The following CFAP20DC variants were observed in gnomAD, a reference collection of about 807,000 sequenced individuals.
CFAP20DC encodes the protein CFAP20 domain containing.
A neutral mutation model predicts 101.7 loss-of-function variants in CFAP20DC; 84 were observed. That is an observed-to-expected ratio of 0.83 (90% CI 0.69 to 0.99). The LOEUF (loss-of-function observed/expected upper bound fraction) is 0.99. Among genes scored for constraint, CFAP20DC ranks in the 50% least tolerant of loss-of-function variants. The pLI is 0.00. For missense variants in CFAP20DC, 1,007 were observed against 970.3 expected (o/e 1.04, Z -0.50); for synonymous variants, 359 against 351.2 (o/e 1.02, Z -0.25).
rs544670734 is a variant in CFAP20DC at position 59,025,446 on chromosome 3, G to C, written c.278+14111C>G. ...CAATTTGTCTCGAAATGTTTCACAA[G>C]AACAATTTAAAAATTAAACAGCAAT... On this transcript the variant is annotated intron_variant, in intron 4 of 16. Transcript: ENST00000482387. Among the ~76,000 whole-genome samples, 4 of 152,104 alleles carry C rather than the reference G, an allele frequency of 2.6e-5. No homozygotes were observed. The East Asian group carries it at 7.7e-4, about 29-fold the overall frequency.
intron 4 of CFAP20DC, among the ~76,000 whole-genome samples, chr3:58,947,274 G>A (rs2089490776): frequency 1.3e-5 from 2 of 152,170 alleles, no homozygotes; most frequent in Admixed American, 6.5e-5. Flanking sequence ...AAACATGAGC[G>A]AACTTCCCTG....
At chr3:58,904,213 G>T (rs2083399443) in intron 6 of CFAP20DC, among the ~76,000 whole-genome samples, 3 of 151,842 alleles carry the variant, frequency 2.0e-5, no homozygotes, top group South Asian at 2.1e-4. Context: ...TTATTCCTAG[G>T]TAGTTAACTA....
chr3:58,872,119 T>C (rs138372071), intron 7 of CFAP20DC, among the ~76,000 whole-genome samples: 2 of 152,318 alleles, frequency 1.3e-5, no homozygotes, highest in Non-Finnish European at 2.9e-5. Context: ...AGCCTTTAAC[T>C]GAAAACACTG....
At chr3:58,973,346 G>C (rs527799956) in intron 4 of CFAP20DC, among the ~76,000 whole-genome samples, 2 of 152,288 alleles carry the variant, frequency 1.3e-5, no homozygotes, top group African/African-American at 4.8e-5. Context: ...TCACATTTCT[G>C]TGCTAAAAGT....
chr3:58,738,668 G>T (rs1302923290), downstream of CFAP20DC, among the ~76,000 whole-genome samples: 1 of 152,166 alleles, frequency 6.6e-6, no homozygotes, highest in Admixed American at 6.5e-5. The surrounding 1 kb of genome is among the most constrained non-coding windows in gnomAD (Gnocchi z 4.4). Context: ...AGGTATCCTT[G>T]TAGTAGAATG....
downstream of CFAP20DC, among the ~76,000 whole-genome samples, chr3:58,739,686 C>G (rs1171103855): frequency 6.6e-6 from 1 of 152,198 alleles, no homozygotes. Flanking sequence ...GTTAGACTCT[C>G]TGGGTGTAGA....
At chr3:58,837,312 T>C (rs1205063475) in intron 13 of CFAP20DC, among the ~76,000 whole-genome samples, 1 of 152,120 alleles carries the variant, frequency 6.6e-6, no homozygotes, top group Non-Finnish European at 1.5e-5. Flanking sequence ...ACATAAAGGA[T>C]GATATAATCA....
chr3:58,849,629 G>A lies in CFAP20DC; in HGVS notation c.1594-220C>T, dbSNP rs138578624. 1.1e-3 allele frequency among the ~76,000 whole-genome samples: 175 copies of A among 152,194 alleles called. 1 individual carries two copies. Among genetic ancestry groups the A allele is most frequent in the Non-Finnish European group, 2.1e-3 (140 of 68,000 alleles). ...AAAATGTCCTGCTATACGGTATTTG[G>A]TCTGGATAAGGCATATTTTTTACTC... On this transcript the variant is annotated intron_variant, in intron 12 of 16. Coordinates refer to ENST00000482387, the MANE Select transcript of CFAP20DC (RefSeq NM_001394063.1).
chr3:58,864,020 C>T lies in CFAP20DC; in HGVS notation c.1259-128G>A, dbSNP rs769173716. The T allele has an allele frequency of 3.2e-4, 280 of 888,204 alleles. No homozygotes were observed. Among genetic ancestry groups the T allele is most frequent in the Non-Finnish European group, 4.0e-4 (244 of 608,726 alleles). The allele number at this position is 888,204 out of a possible 1,614,324, so 55.0% of individuals were successfully genotyped here. A position where few individuals can be genotyped will look rare whatever the true frequency, so the allele number is the denominator to read the frequency against. ...CCGCCTAGGCTGCAGTGCAGTCACG[C>T]GATCTCGGCTCACTGCAACCTCCGC... On this transcript the variant is annotated intron_variant, in intron 11 of 16. Transcript: ENST00000482387. This position sits in a 1 kb window ranked among gnomAD's most constrained non-coding sequence, Gnocchi z 4.7.
At chr3:58,772,772 C>G (rs147512883) in intron 15 of CFAP20DC, among the ~76,000 whole-genome samples, 220 of 152,224 alleles carry the variant, frequency 1.4e-3, no homozygotes, top group African/African-American at 5.1e-3. Context: ...TGTTGTCAAT[C>G]TATCTGTACA....
intron 3 of CFAP20DC, chr3:58,734,492 T>C: frequency 4.4e-6 from 2 of 455,326 alleles, no homozygotes; most frequent in South Asian, 3.1e-5. Flanking sequence ...GTGCTTTTTC[T>C]TCGGTGGTCC....
At chr3:58,917,094 T>G (rs1227718944) in intron 5 of CFAP20DC, among the ~76,000 whole-genome samples, 1 of 152,126 alleles carries the variant, frequency 6.6e-6, no homozygotes, top group African/African-American at 2.4e-5. Context: ...GACAGAAATC[T>G]GATAGAGAAA....
intron 5 of CFAP20DC, among the ~76,000 whole-genome samples, chr3:58,930,650 T>A (rs995953930): frequency 7.9e-5 from 12 of 152,240 alleles, no homozygotes; most frequent in Admixed American, 3.9e-4. Context: ...CAAGAAACAG[T>A]ACCCAGTTAG....
intron 15 of CFAP20DC, among the ~76,000 whole-genome samples, chr3:58,772,996 C>T (rs1309767510): frequency 6.6e-6 from 1 of 151,354 alleles, no homozygotes; most frequent in Admixed American, 6.6e-5. Context: ...CTTTTCTATG[C>T]TGGTTGAATT....
rs546956791 is a variant in CFAP20DC, at chr3:58,816,804, T to A, written c.2176-10348A>T. Among the ~76,000 whole-genome samples, 19 of 152,276 alleles carry A rather than the reference T, an allele frequency of 1.2e-4. No individual in the cohort carries two copies. In the East Asian group the frequency reaches 3.7e-3, roughly 29 times the overall value. ...GAGCCCACCACAGCTCAAGGAGGCC[T>A]GCCTGCCTCTGTAGGCTCCACCTCT... On this transcript the variant is annotated intron_variant, in intron 14 of 16. Transcript: ENST00000482387.
chr3:58,905,729 C>A (rs1430726427), intron 6 of CFAP20DC, among the ~76,000 whole-genome samples: 4 of 152,166 alleles, frequency 2.6e-5, no homozygotes, highest in African/African-American at 4.8e-5. Flanking sequence ...AATCAAATCC[C>A]AGTGTGGAAT....
At chr3:58,907,583 G>A (rs1311413668) in intron 6 of CFAP20DC, among the ~76,000 whole-genome samples, 2 of 152,164 alleles carry the variant, frequency 1.3e-5, no homozygotes, top group African/African-American at 2.4e-5. Context: ...GCTCAGAGAT[G>A]TTCAGAACTC....
chr3:58,966,667 G>A lies in CFAP20DC; in HGVS notation c.279-28905C>T, dbSNP rs895110291. Reference sequence around the variant, plus strand: ...GCCTCCCGAGTAGCTGGGATCACAGGTGCCCACCACCATGCCTGGCTAATT... The same window carrying A: ...GCCTCCCGAGTAGCTGGGATCACAGATGCCCACCACCATGCCTGGCTAATT... On this transcript the variant is annotated intron_variant, in intron 4 of 16. Coordinates refer to ENST00000482387, the MANE Select transcript of CFAP20DC (RefSeq NM_001394063.1). 2.0e-4 allele frequency among the ~76,000 whole-genome samples: 31 copies of A among 151,502 alleles called. 1 individual carries two copies. In the East Asian group the frequency reaches 3.9e-3, roughly 19 times the overall value.
At chr3:58,786,770 T>C (rs1173774423) in intron 15 of CFAP20DC, among the ~76,000 whole-genome samples, 1 of 143,470 alleles carries the variant, frequency 7.0e-6, no homozygotes, top group Non-Finnish European at 1.5e-5. Flanking sequence ...AGTTCCCGAC[T>C]TAATAAGGAA....
Sources: allele counts gnomAD v4.1 joint callset (sites outside exome capture counted in the v4.1 genomes callset), GRCh38; gene constraint gnomAD v4.1.1; non-coding constraint Gnocchi (gnomAD v3.1); transcripts MANE v1.5; gene names NCBI Gene and HGNC (gene_info 2026-07-23, HGNC 2026-07-21).